FOXN2: variants seen among roughly 807,000 people sequenced by gnomAD.
The protein encoded by FOXN2 is forkhead box protein N2.
A neutral mutation model predicts 41.2 loss-of-function variants in FOXN2; 19 were observed. The ratio of observed to expected loss-of-function variants is 0.46; its 90% confidence interval spans 0.32 to 0.68. The LOEUF is 0.68. FOXN2 is among the 30% of genes least tolerant of loss of function. The pLI is 0.03. For synonymous variants in FOXN2, 195 were observed against 176.8 expected (o/e 1.10, Z -0.82); for missense variants, 587 against 509.4 (o/e 1.15, Z -1.47).
At position 48,375,538 on chromosome 2, in the gene FOXN2, A is replaced by G. The variant is rs907959492; in HGVS notation, c.*95A>G. 3.3e-6 allele frequency: 4 copies of G among 1,213,466 alleles called. No homozygotes were observed. Among genetic ancestry groups the G allele is most frequent in the East Asian group, 2.5e-5 (1 of 39,662 alleles). The allele number at this position is 1,213,466 out of a possible 1,614,324, so 75.2% of individuals were successfully genotyped here. A position where few individuals can be genotyped will look rare whatever the true frequency, so the allele number is the denominator to read the frequency against. On this transcript the variant is annotated 3_prime_UTR_variant, in exon 7 of 7. Coordinates refer to ENST00000340553, the MANE Select transcript of FOXN2 (RefSeq NM_002158.4). Reference sequence around the variant, plus strand: ...TCATTAGTTTTAGGGTAGGGAAGGGATACTAATTACTTATTTCTTTCAAAA... The same window carrying G: ...TCATTAGTTTTAGGGTAGGGAAGGGGTACTAATTACTTATTTCTTTCAAAA...
At chr2:48,327,762 A>G (rs1669775081) in intron 1 of FOXN2, among the ~76,000 whole-genome samples, 1 of 152,214 alleles carries the variant, frequency 6.6e-6, no homozygotes. Context: ...GTCTTTAATA[A>G]CATTAATATC....
At chr2:48,318,971 A>T (rs535541916) in intron 1 of FOXN2, among the ~76,000 whole-genome samples, 2 of 152,336 alleles carry the variant, frequency 1.3e-5, no homozygotes, top group African/African-American at 4.8e-5. Flanking sequence ...TTTGCTCCCA[A>T]CACAGATAAT....
At chr2:48,323,331 C>G (rs1217188804) in intron 1 of FOXN2, among the ~76,000 whole-genome samples, 2 of 152,162 alleles carry the variant, frequency 1.3e-5, no homozygotes, top group African/African-American at 4.8e-5. Flanking sequence ...TTCATAATGG[C>G]TGTTACTTTA....
At chr2:48,336,027 CAAA>C (rs199617210) in intron 2 of FOXN2, among the ~76,000 whole-genome samples, 41 of 91,268 alleles carry the variant, frequency 4.5e-4, no homozygotes, top group African/African-American at 1.4e-3. Flanking sequence ...GACTCTGTCT[CAAA>C]AAAAAAAAAA....
At chr2:48,318,182 T>G (rs780783192) in intron 1 of FOXN2, among the ~76,000 whole-genome samples, 5 of 152,214 alleles carry the variant, frequency 3.3e-5, no homozygotes, top group Non-Finnish European at 7.3e-5. Context: ...AATGGTACAT[T>G]TGTCACAATT....
intron 3 of FOXN2, among the ~76,000 whole-genome samples, chr2:48,357,823 T>C (rs538414308): frequency 3.3e-5 from 5 of 150,750 alleles, no homozygotes; most frequent in African/African-American, 1.2e-4. Flanking sequence ...AGAAGTTTCA[T>C]TTAATCCAAA....
intron 1 of FOXN2, among the ~76,000 whole-genome samples, chr2:48,317,466 T>C (rs541159996): frequency 4.6e-5 from 7 of 151,992 alleles, no homozygotes; most frequent in African/African-American, 1.4e-4. Context: ...AAAAATTTTT[T>C]TTTTGAAGGG....
chr2:48,353,380 A>C (rs1403352323), intron 3 of FOXN2, among the ~76,000 whole-genome samples: 3 of 152,176 alleles, frequency 2.0e-5, no homozygotes, highest in Non-Finnish European at 4.4e-5. Context: ...CCAGCTCAGA[A>C]GTCACCTCTC....
At chr2:48,367,503 A>G (rs1211889974) in intron 5 of FOXN2, among the ~76,000 whole-genome samples, 1 of 152,214 alleles carries the variant, frequency 6.6e-6, no homozygotes. Flanking sequence ...AGTGTTGGTA[A>G]TTTATTGAAA....
At chr2:48,331,322 A>G (rs943435318) in intron 2 of FOXN2, among the ~76,000 whole-genome samples, 1 of 151,998 alleles carries the variant, frequency 6.6e-6, no homozygotes, top group Non-Finnish European at 1.5e-5. Flanking sequence ...TAGAAACAAC[A>G]TAGATTTAGG....
intron 2 of FOXN2, chr2:48,340,944 A>C (rs142866588): frequency 4.6e-5 from 7 of 152,298 alleles, no homozygotes; most frequent in Middle Eastern, 6.8e-3. Context: ...ACATTTATCT[A>C]CTTTTTTGGA....
chr2:48,351,207 C>G (rs1460530444), intron 3 of FOXN2, among the ~76,000 whole-genome samples: 3 of 152,096 alleles, frequency 2.0e-5, no homozygotes, highest in Non-Finnish European at 2.9e-5. Context: ...AGCGATCCAC[C>G]TGTCTCAGCC....
At chr2:48,328,378 C>G (rs928304405) in intron 1 of FOXN2, among the ~76,000 whole-genome samples, 183 bp from the exon 2 acceptor site, 6 of 152,202 alleles carry the variant, frequency 3.9e-5, no homozygotes, top group Non-Finnish European at 8.8e-5. Context: ...AACCTACCCA[C>G]TTCCTTCCAT....
chr2:48,359,897 T>C (rs1310046767), intron 4 of FOXN2, among the ~76,000 whole-genome samples: 1 of 152,140 alleles, frequency 6.6e-6, no homozygotes, highest in African/African-American at 2.4e-5. Flanking sequence ...GATTATTAAG[T>C]TTGTCATTAT....
At chr2:48,358,850 A>G (rs1176740427) in intron 3 of FOXN2, among the ~76,000 whole-genome samples, 197 bp from the exon 4 acceptor site, 2 of 150,562 alleles carry the variant, frequency 1.3e-5, no homozygotes, top group African/African-American at 4.9e-5. Flanking sequence ...AATCTTGTGA[A>G]TTAGAGGAAG....
chr2:48,324,523 G>A (rs1335334937), intron 1 of FOXN2, among the ~76,000 whole-genome samples: 2 of 151,972 alleles, frequency 1.3e-5, no homozygotes, highest in African/African-American at 4.8e-5. Context: ...TTTGTTTCAT[G>A]TAGTTTGATT....
intron 4 of FOXN2, among the ~76,000 whole-genome samples, chr2:48,360,732 A>G (rs1238472358): frequency 6.6e-6 from 1 of 151,754 alleles, no homozygotes; most frequent in East Asian, 1.9e-4. Context: ...ATAATAATTT[A>G]GAAACTAATG....
At chr2:48,317,862 C>T (rs1181064071) in intron 1 of FOXN2, among the ~76,000 whole-genome samples, 1 of 151,926 alleles carries the variant, frequency 6.6e-6, no homozygotes, top group Non-Finnish European at 1.5e-5. Flanking sequence ...CTGCCTCAGC[C>T]TCCCAAAGTG....
intron 4 of FOXN2, among the ~76,000 whole-genome samples, chr2:48,360,216 A>G (rs1672080229): frequency 6.6e-6 from 1 of 152,272 alleles, no homozygotes; most frequent in Non-Finnish European, 1.5e-5. Flanking sequence ...AAGACTTTAG[A>G]GTCTTCTCCA....
Sources: gnomAD v4.1 joint callset for allele counts (sites outside exome capture counted in the v4.1 genomes callset) on GRCh38, gnomAD v4.1.1 for gene constraint, MANE v1.5 for transcripts, NCBI Gene and HGNC (gene_info 2026-07-23, HGNC 2026-07-21) for gene names.